The following ZMPSTE24 variants were observed in gnomAD, a reference collection of about 807,000 sequenced individuals.
ZMPSTE24 encodes zinc metallopeptidase STE24, also known as CAAX prenyl protease 1 homolog.
In ZMPSTE24, 48 loss-of-function variants were observed where a neutral mutation model predicts 56.7. The observed-to-expected ratio is 0.85, with a 90% CI of 0.67 to 1.08. The LOEUF (loss-of-function observed/expected upper bound fraction) is 1.08, where lower values mean the gene tolerates loss of function less well. Ranked by LOEUF, ZMPSTE24 falls within the 50% of genes least tolerant of loss-of-function variation. The probability of loss-of-function intolerance (pLI) is 0.00; values close to 1 mark genes in which losing one functional copy is unlikely to be tolerated. For synonymous variants in ZMPSTE24, 172 were observed against 195.2 expected, an observed-to-expected ratio of 0.88 and a Z score of 0.99; for missense variants, 503 against 548.7, an observed-to-expected ratio of 0.92 and a Z score of 0.83.
intron 6 of ZMPSTE24, among the ~76,000 whole-genome samples, chr1:40,275,265 CAAAA>C (rs869166476): frequency 7.8e-5 from 3 of 38,626 alleles, no homozygotes; most frequent in Admixed American, 6.7e-4. Context: ...ACTAAAAATA[CAAAA>C]AAAAAAAAAA....
chr1:40,290,787 G>A lies in ZMPSTE24; in HGVS notation c.1060-67G>A, dbSNP rs1225197967. On this transcript the variant is annotated intron_variant, in intron 8 of 9. Coordinates refer to ENST00000372759, the MANE Select transcript of ZMPSTE24 (RefSeq NM_005857.5). ...ACACTGTGATTTCTTATACTTTATG[G>A]ATGCTACTGATCCCATAGTGAAATC... The A allele has an allele frequency of 3.8e-6, 6 of 1,582,886 alleles. No homozygotes were observed. In the African/African-American group the frequency reaches 8.1e-5, roughly 21 times the overall value.
chr1:40,292,746 A>C lies in ZMPSTE24; in HGVS notation c.*77A>C. On this transcript the variant is annotated 3_prime_UTR_variant, in exon 10 of 10. Transcript: ENST00000372759. ...GCATGTTCCAGCTCTTGATGTTTTT[A>C]AACTTTTTTTTAGAAGAAAAATTAA... The C allele has an allele frequency of 6.9e-7, 1 of 1,446,212 alleles. No individual in the cohort carries two copies. The highest frequency in any genetic ancestry group is 9.6e-7 in the Non-Finnish European group (1 of 1,043,312). The allele number at this position is 1,446,212 out of a possible 1,614,324, so 89.6% of individuals were successfully genotyped here.
intron 4 of ZMPSTE24, among the ~76,000 whole-genome samples, chr1:40,268,827 C>T (rs1035934715): frequency 6.6e-6 from 1 of 151,992 alleles, no homozygotes; most frequent in African/African-American, 2.4e-5. Context: ...CCTGTAATCC[C>T]AGCACTTTGG....
chr1:40,288,872 A>G (rs962828843), intron 8 of ZMPSTE24, among the ~76,000 whole-genome samples: 10 of 151,938 alleles, frequency 6.6e-5, no homozygotes, highest in Non-Finnish European at 1.2e-4. Context: ...TAGGATATAT[A>G]TCCTTGCCTC....
chr1:40,278,889 C>G (rs1297927751), intron 6 of ZMPSTE24, among the ~76,000 whole-genome samples: 3 of 152,200 alleles, frequency 2.0e-5, no homozygotes, highest in Admixed American at 2.0e-4. Context: ...TGATTCACAC[C>G]TGTAATCCCA....
intron 4 of ZMPSTE24, among the ~76,000 whole-genome samples, chr1:40,268,955 A>G (rs1643584324): frequency 6.6e-6 from 1 of 151,074 alleles, no homozygotes; most frequent in Non-Finnish European, 1.5e-5. Flanking sequence ...GGGCGCCTGT[A>G]GTCCCAGCTA....
rs962884234 is a variant in ZMPSTE24 at position 40,275,666 on chromosome 1, C to T, written c.769+3631C>T. ...ACTGGGGAGGCTGAGGCAGGAGGAT[C>T]GCTTGAATCTAGGAGGTAGAGGTTG... On this transcript the variant is annotated intron_variant, in intron 6 of 9. Transcript: ENST00000372759. Among the ~76,000 whole-genome samples, 29 of 145,930 alleles carry T rather than the reference C, an allele frequency of 2.0e-4. 1 individual carries two copies. The highest frequency in any genetic ancestry group is 3.3e-4 in the Non-Finnish European group (22 of 67,082).
intron 6 of ZMPSTE24, 45 bp from the exon 7 acceptor site, chr1:40,281,298 A>C (rs780672457): frequency 9.3e-6 from 15 of 1,605,532 alleles, no homozygotes; most frequent in Non-Finnish European, 1.3e-5. Flanking sequence ...AAAGGACCCC[A>C]AACTTTTTAA....
At chr1:40,262,742 G>C (rs1015059629) in intron 2 of ZMPSTE24, 5 of 924,924 alleles carry the variant, frequency 5.4e-6, no homozygotes, top group Non-Finnish European at 6.8e-6. Flanking sequence ...CCATTGCTTG[G>C]TAAGTGTATT....
chr1:40,290,617 C>A (rs375314765), intron 8 of ZMPSTE24: 2 of 394,326 alleles, frequency 5.1e-6, no homozygotes, highest in South Asian at 2.2e-5. Flanking sequence ...TCCGCCACCA[C>A]GTCCGGCTAA....
At chr1:40,265,518 A>G (rs918597656) in intron 2 of ZMPSTE24, among the ~76,000 whole-genome samples, 1 of 152,172 alleles carries the variant, frequency 6.6e-6, no homozygotes, top group Non-Finnish European at 1.5e-5. Flanking sequence ...CCTGGGCAAC[A>G]TAGTGAGACC....
At chr1:40,260,013 T>G (rs2124574897) in intron 1 of ZMPSTE24, among the ~76,000 whole-genome samples, 1 of 151,792 alleles carries the variant, frequency 6.6e-6, no homozygotes, top group African/African-American at 2.4e-5. Flanking sequence ...AAATTACCCT[T>G]ACCTTTTATA....
At position 40,269,800 on chromosome 1, in the gene ZMPSTE24, A is replaced by G. The variant is rs16827106; in HGVS notation, c.475-175A>G. ...AAGGTTTAAATGAATTTTCAGCTGT[A>G]AAATGCAAGACATTTACCCATTGTC... is the stretch of plus-strand genomic sequence containing the variant. On this transcript the variant is annotated intron_variant, in intron 4 of 9. Transcript: ENST00000372759. Among the ~76,000 whole-genome samples, 13,941 of 152,276 alleles carry G rather than the reference A, an allele frequency of 0.092. 734 individuals are homozygous for G. The highest frequency in any genetic ancestry group is 0.15 in the East Asian group (797 of 5,190).
chr1:40,261,913 G>A (rs1643501917), intron 2 of ZMPSTE24, among the ~76,000 whole-genome samples: 3 of 152,160 alleles, frequency 2.0e-5, no homozygotes, highest in Non-Finnish European at 2.9e-5. Flanking sequence ...GTTTCACCAT[G>A]TTAGCCAGGA....
chr1:40,267,935 A>G, intron 3 of ZMPSTE24, 63 bp downstream of exon 3: 1 of 1,484,950 alleles, frequency 6.7e-7, no homozygotes, highest in East Asian at 2.3e-5. Flanking sequence ...GCTTTCCACT[A>G]AAGTTAATTT....
At chr1:40,275,410 G>C (rs1362236799) in intron 6 of ZMPSTE24, among the ~76,000 whole-genome samples, 1 of 151,826 alleles carries the variant, frequency 6.6e-6, no homozygotes, top group East Asian at 1.9e-4. Flanking sequence ...CTCCAGCCTG[G>C]GTGACAAAGC....
intron 5 of ZMPSTE24, among the ~76,000 whole-genome samples, 172 bp from the exon 6 acceptor site, chr1:40,271,722 T>C (rs1391176185): frequency 6.6e-6 from 1 of 152,244 alleles, no homozygotes; most frequent in African/African-American, 2.4e-5. Context: ...CAGACAGATA[T>C]TATGCTCTTA....
intron 2 of ZMPSTE24, among the ~76,000 whole-genome samples, chr1:40,261,750 C>T (rs956371507): frequency 2.0e-5 from 3 of 152,132 alleles, no homozygotes; most frequent in African/African-American, 7.2e-5. Context: ...TGCTCTGTCG[C>T]CCAGGCTGGA....
At chr1:40,267,703 C>T in intron 2 of ZMPSTE24, 83 bp from the exon 3 acceptor site, 1 of 1,113,772 alleles carries the variant, frequency 9.0e-7, no homozygotes. Context: ...ATTATTTTGT[C>T]CTTTCTTTCT....
Sources: gnomAD v4.1 joint callset for allele counts (sites outside exome capture counted in the v4.1 genomes callset) on GRCh38, gnomAD v4.1.1 for gene constraint, MANE v1.5 for transcripts, NCBI Gene and HGNC (gene_info 2026-07-23, HGNC 2026-07-21) for gene names.